CNTN5: variants seen among roughly 807,000 people sequenced by gnomAD.
The protein encoded by CNTN5 is contactin 5, also known as contactin-5.
CNTN5 carries 77 observed loss-of-function variants against 129.1 expected under a neutral mutation model. That is an observed-to-expected ratio of 0.60 (90% CI 0.50 to 0.72). The LOEUF is 0.72. Among genes scored for constraint, CNTN5 ranks in the 30% least tolerant of loss-of-function variants. The pLI, the probability that CNTN5 is intolerant of heterozygous loss-of-function variation, is 0.00. For synonymous variants in CNTN5, 509 were observed against 465.6 expected (o/e 1.09, Z -1.20); for missense variants, 1,478 against 1,328.8 (o/e 1.11, Z -1.75).
intron 4 of CNTN5, 178 bp from the exon 5 acceptor site, chr11:99,844,674 G>C (rs1260945211): frequency 5.0e-6 from 3 of 602,266 alleles, no homozygotes; most frequent in South Asian, 2.1e-5. Context: ...ATTATATTTG[G>C]TTCTTTACAA....
At chr11:99,628,633 C>CAT (rs1304994152) in intron 3 of CNTN5, among the ~76,000 whole-genome samples, 3 of 150,544 alleles carry the variant, frequency 2.0e-5, no homozygotes, top group African/African-American at 7.3e-5. Context: ...CACACACACA[C>CAT]ACACACACAC....
At chr11:99,422,518 TTATATATATATATATATATATA>T (rs71046684) in intron 2 of CNTN5, among the ~76,000 whole-genome samples, 8 of 83,406 alleles carry the variant, frequency 9.6e-5, no homozygotes, top group African/African-American at 1.5e-4. Flanking sequence ...CTTTATATTT[TTATATATATATATATATATATA>T]TATATATATA....
chr11:100,234,637 C>T (rs1276675131), intron 16 of CNTN5, among the ~76,000 whole-genome samples: 1 of 150,380 alleles, frequency 6.6e-6, no homozygotes. Context: ...ACATCAGGGC[C>T]TGCCAGCAGG....
intron 1 of CNTN5, among the ~76,000 whole-genome samples, chr11:99,072,490 A>T (rs372393568): frequency 8.5e-5 from 13 of 152,208 alleles, no homozygotes; most frequent in African/African-American, 2.2e-4. Context: ...AGGACATAAT[A>T]CATATTTGCA....
chr11:99,341,010 T>C (rs1296731702), intron 2 of CNTN5, among the ~76,000 whole-genome samples: 3 of 152,164 alleles, frequency 2.0e-5, no homozygotes, highest in Non-Finnish European at 2.9e-5. Flanking sequence ...GGTCATACTT[T>C]GGGTGACCGA....
intron 1 of CNTN5, among the ~76,000 whole-genome samples, chr11:99,228,636 A>G (rs1860819551): frequency 6.6e-6 from 1 of 152,080 alleles, no homozygotes; most frequent in South Asian, 2.1e-4. Flanking sequence ...AAAGTTAAAA[A>G]ATAGCCTTTA....
intron 3 of CNTN5, among the ~76,000 whole-genome samples, chr11:99,782,797 C>T (rs1041406863): frequency 1.2e-4 from 18 of 152,012 alleles, no homozygotes; most frequent in South Asian, 6.2e-4. Context: ...GAAACTGGAT[C>T]CCTTCCTTAC....
At chr11:99,340,197 T>C (rs1866444009) in intron 2 of CNTN5, among the ~76,000 whole-genome samples, 1 of 152,034 alleles carries the variant, frequency 6.6e-6, no homozygotes, top group African/African-American at 2.4e-5. Flanking sequence ...GAAAGCAGTT[T>C]GGGATGGGAA....
intron 2 of CNTN5, among the ~76,000 whole-genome samples, chr11:99,489,627 A>T (rs927246327): frequency 6.6e-6 from 1 of 152,196 alleles, no homozygotes; most frequent in Non-Finnish European, 1.5e-5. Flanking sequence ...TATAGAGTCT[A>T]TGTATTATTT....
chr11:99,326,541 GA>G (rs1337299134), intron 2 of CNTN5, among the ~76,000 whole-genome samples: 1 of 152,152 alleles, frequency 6.6e-6, no homozygotes, highest in Non-Finnish European at 1.5e-5. Context: ...GTAGGAGTCT[GA>G]AGTTTTACCA....
intron 2 of CNTN5, among the ~76,000 whole-genome samples, chr11:99,428,559 CAAAAAAA>C (rs60754666): frequency 1.7e-5 from 1 of 57,316 alleles, no homozygotes; most frequent in African/African-American, 5.8e-5. Flanking sequence ...GACCCTGTCT[CAAAAAAA>C]AAAAAAAAAA....
At chr11:99,159,728 A>C (rs1309364622) in intron 1 of CNTN5, among the ~76,000 whole-genome samples, 1 of 152,238 alleles carries the variant, frequency 6.6e-6, no homozygotes, top group Non-Finnish European at 1.5e-5. Flanking sequence ...ATTTTTAAAA[A>C]TTCAATGGCA....
chr11:99,122,537 A>G (rs1198188853), intron 1 of CNTN5, among the ~76,000 whole-genome samples: 1 of 151,324 alleles, frequency 6.6e-6, no homozygotes, highest in Non-Finnish European at 1.5e-5. Context: ...CAGCAGCAGC[A>G]ACATTATTAT....
intron 2 of CNTN5, among the ~76,000 whole-genome samples, chr11:99,530,764 G>A (rs1947670632): frequency 6.6e-6 from 1 of 152,154 alleles, no homozygotes; most frequent in Non-Finnish European, 1.5e-5. Flanking sequence ...TTTATCAGGT[G>A]TTTCCGCTTC....
chr11:99,455,227 C>T (rs1032168855), intron 2 of CNTN5, among the ~76,000 whole-genome samples: 5 of 152,052 alleles, frequency 3.3e-5, no homozygotes, highest in African/African-American at 9.7e-5. Context: ...TGAAAGATCA[C>T]GTGGTTCTCA....
intron 2 of CNTN5, among the ~76,000 whole-genome samples, chr11:99,555,561 G>A (rs370365409): frequency 1.1e-4 from 16 of 151,984 alleles, no homozygotes; most frequent in South Asian, 1.0e-3. Context: ...TTACGTTCCA[G>A]CCAGCAAAAG....
At chr11:99,852,387 G>A (rs1035146168) in intron 6 of CNTN5, among the ~76,000 whole-genome samples, 1 of 152,128 alleles carries the variant, frequency 6.6e-6, no homozygotes, top group Non-Finnish European at 1.5e-5. Flanking sequence ...TATTTGCCCA[G>A]GCTGGTCTTG....
intron 2 of CNTN5, among the ~76,000 whole-genome samples, chr11:99,403,192 G>A (rs1444746140): frequency 6.6e-6 from 1 of 151,842 alleles, no homozygotes; most frequent in Non-Finnish European, 1.5e-5. Context: ...AGTAGAGATG[G>A]GGTCTCACCA....
At chr11:99,805,925 C>T (rs1946254552) in intron 3 of CNTN5, among the ~76,000 whole-genome samples, 1 of 152,142 alleles carries the variant, frequency 6.6e-6, no homozygotes, top group South Asian at 2.1e-4. Flanking sequence ...CAGCACTAAG[C>T]TGTTAAATGG....
Sources: allele counts gnomAD v4.1 joint callset (sites outside exome capture counted in the v4.1 genomes callset), GRCh38; gene constraint gnomAD v4.1.1; transcripts MANE v1.5; gene names NCBI Gene and HGNC (gene_info 2026-07-23, HGNC 2026-07-21).